The following ADGRL2 variants were observed in gnomAD, a reference collection of about 807,000 sequenced individuals.
The protein encoded by ADGRL2 is calcium-independent alpha-latrotoxin receptor 2.
A neutral mutation model predicts 157.4 loss-of-function variants in ADGRL2; 44 were observed. The ratio of observed to expected loss-of-function variants is 0.28; its 90% CI spans 0.22 to 0.36. The LOEUF is 0.36. ADGRL2 is among the 10% of genes least tolerant of loss of function. The pLI, the probability that ADGRL2 is intolerant of heterozygous loss-of-function variation, is 1.00. For synonymous variants in ADGRL2, 585 were observed against 624.7 expected (o/e 0.94, Z 0.95); for missense variants, 1,510 against 1,768.9 (o/e 0.85, Z 2.63).
At chr1:81,504,143 C>A (rs1457862847) in intron 2 of ADGRL2, among the ~76,000 whole-genome samples, 1 of 152,190 alleles carries the variant, frequency 6.6e-6, no homozygotes, top group Non-Finnish European at 1.5e-5. Context: ...GAAGGCAGAG[C>A]CTCGGGGCTG....
At chr1:81,826,428 C>G (rs2091486154) in intron 1 of ADGRL2, among the ~76,000 whole-genome samples, 1 of 87,238 alleles carries the variant, frequency 1.1e-5, no homozygotes, top group Admixed American at 9.0e-5. Context: ...CTTTAATCCC[C>G]TAGAATGACT....
intron 1 of ADGRL2, among the ~76,000 whole-genome samples, chr1:81,757,921 G>C (rs2085745270): frequency 6.6e-6 from 1 of 152,070 alleles, no homozygotes; most frequent in South Asian, 2.1e-4. Context: ...TTCAGGAGTG[G>C]AGTCACACAA....
At chr1:81,979,805 G>C in intron 17 of ADGRL2, 64 bp from the exon 18 acceptor site, 1 of 922,850 alleles carries the variant, frequency 1.1e-6, no homozygotes, top group South Asian at 1.4e-5. Flanking sequence ...CGATACATTT[G>C]CAAGAACTAT....
chr1:81,330,460 T>C lies in ADGRL2; in HGVS notation c.-302+23951T>C, dbSNP rs191144556. 3.9e-5 allele frequency among the ~76,000 whole-genome samples: 6 copies of C among 152,300 alleles called. No individual in the cohort carries two copies. In the East Asian group the frequency reaches 1.2e-3, roughly 29 times the overall value. On this transcript the variant is annotated intron_variant, in intron 1 of 24. Transcript: ENST00000370721. ...CTGGGGAACATACAGAGAACAAAAC[T>C]TTAATTTCTCTAACTACAATCCAAA...
intron 3 of ADGRL2, among the ~76,000 whole-genome samples, chr1:81,629,747 G>A (rs1219705901): frequency 6.6e-6 from 1 of 151,666 alleles, no homozygotes; most frequent in East Asian, 1.9e-4. Context: ...ATGTGTTTGT[G>A]TGTGTATATA....
intron 2 of ADGRL2, among the ~76,000 whole-genome samples, chr1:81,879,270 C>A (rs1450221817): frequency 3.3e-5 from 5 of 150,118 alleles, no homozygotes; most frequent in South Asian, 2.1e-4. Context: ...GAGTAATTAG[C>A]GAGCAAGCTC....
At chr1:81,865,935 A>C (rs543880617) in intron 2 of ADGRL2, among the ~76,000 whole-genome samples, 12 of 152,344 alleles carry the variant, frequency 7.9e-5, no homozygotes, top group African/African-American at 2.9e-4. Flanking sequence ...TTGTGCCAAC[A>C]GTCATAAAAT....
intron 1 of ADGRL2, among the ~76,000 whole-genome samples, chr1:81,387,389 A>G (rs1248952973): frequency 1.3e-5 from 2 of 152,188 alleles, no homozygotes; most frequent in Non-Finnish European, 2.9e-5. Context: ...TAAGTTTCAT[A>G]TATAAATGCT....
chr1:81,401,435 T>A (rs1024655043), intron 1 of ADGRL2, among the ~76,000 whole-genome samples: 1 of 152,214 alleles, frequency 6.6e-6, no homozygotes, highest in Non-Finnish European at 1.5e-5. Context: ...TGCGGGAAGA[T>A]GTGGTGGAGG....
At chr1:81,809,182 C>G (rs959021796) in intron 1 of ADGRL2, among the ~76,000 whole-genome samples, 1 of 151,982 alleles carries the variant, frequency 6.6e-6, no homozygotes. Flanking sequence ...ACAGGGATTA[C>G]ACCTTAATCT....
intron 2 of ADGRL2, among the ~76,000 whole-genome samples, chr1:81,456,874 T>C (rs1461735398): frequency 6.6e-6 from 1 of 152,052 alleles, no homozygotes; most frequent in Non-Finnish European, 1.5e-5. Context: ...TTTGCTCTCT[T>C]CCTCTCTTTT....
chr1:81,568,896 G>C (rs373377268), intron 2 of ADGRL2, among the ~76,000 whole-genome samples: 1 of 152,038 alleles, frequency 6.6e-6, no homozygotes, highest in Admixed American at 6.6e-5. Flanking sequence ...TTAATACATA[G>C]TGTTATGTAG....
At chr1:81,581,115 C>T (rs1191002610) in intron 3 of ADGRL2, 1 of 152,106 alleles carries the variant, frequency 6.6e-6, no homozygotes, top group Non-Finnish European at 1.5e-5. Flanking sequence ...TGAAAAATGC[C>T]TTTTTATTCT....
chr1:81,599,670 T>TA (rs2081300168), intron 3 of ADGRL2, among the ~76,000 whole-genome samples: 1 of 152,108 alleles, frequency 6.6e-6, no homozygotes, highest in East Asian at 1.9e-4. Flanking sequence ...TTAATTTTTT[T>TA]TAAAAAATTC....
chr1:81,648,375 C>T (rs1283424730), intron 3 of ADGRL2, among the ~76,000 whole-genome samples: 3 of 152,214 alleles, frequency 2.0e-5, no homozygotes, highest in Non-Finnish European at 4.4e-5. Flanking sequence ...TCAGAGGTCT[C>T]TGCTCCGGTG....
chr1:81,526,492 T>A (rs888278541), intron 2 of ADGRL2, among the ~76,000 whole-genome samples: 7 of 152,198 alleles, frequency 4.6e-5, no homozygotes, highest in Non-Finnish European at 8.8e-5. Context: ...GTTAACCTTT[T>A]AAAAATATAA....
intron 2 of ADGRL2, among the ~76,000 whole-genome samples, chr1:81,480,778 C>T (rs567065869): frequency 2.0e-5 from 3 of 152,202 alleles, no homozygotes; most frequent in East Asian, 1.9e-4. Flanking sequence ...GATAAGGAAA[C>T]TGAAGTGCAA....
At chr1:81,721,863 A>T in intron 1 of ADGRL2, 1 of 797,752 alleles carries the variant, frequency 1.3e-6, no homozygotes, top group Non-Finnish European at 2.2e-6. Flanking sequence ...AAGGGGAAAA[A>T]AAAAACCTGA....
intron 2 of ADGRL2, chr1:81,502,605 C>T: frequency 1.9e-6 from 3 of 1,614,018 alleles, no homozygotes; most frequent in South Asian, 2.2e-5. Context: ...AGGGAGATCA[C>T]CAAAGGCCTA....
Sources: allele counts gnomAD v4.1 joint callset (sites outside exome capture counted in the v4.1 genomes callset), GRCh38; gene constraint gnomAD v4.1.1; transcripts MANE v1.5; gene names NCBI Gene and HGNC (gene_info 2026-07-23, HGNC 2026-07-21).